NETO1: variants seen among roughly 807,000 people sequenced by gnomAD.
NETO1 encodes the protein neuropilin and tolloid-like protein 1.
NETO1 carries 26 observed loss-of-function variants against 61.3 expected under a neutral mutation model. The ratio of observed to expected loss-of-function variants is 0.42; its 90% CI spans 0.31 to 0.59. The LOEUF is 0.59. NETO1 is among the 20% of genes least tolerant of loss of function. NETO1 has a pLI of 0.12. For missense variants in NETO1, 531 were observed against 662.8 expected (o/e 0.80, Z 2.18); for synonymous variants, 225 against 225.8 (o/e 1.00, Z 0.03).
chr18:72,848,395 C>T (rs1442840366), intron 4 of NETO1, among the ~76,000 whole-genome samples: 1 of 152,084 alleles, frequency 6.6e-6, no homozygotes, highest in African/African-American at 2.4e-5. Flanking sequence ...CCATCTACAT[C>T]ATTAAAATCA....
At chr18:72,754,194 T>TA (rs1362277412) in intron 8 of NETO1, among the ~76,000 whole-genome samples, 2 of 152,126 alleles carry the variant, frequency 1.3e-5, no homozygotes, top group African/African-American at 4.8e-5. Context: ...AACAATGCAT[T>TA]AAAAACTCTA....
chr18:72,866,911 A>T, intron 1 of NETO1: 1 of 506,646 alleles, frequency 2.0e-6, no homozygotes, highest in Non-Finnish European at 2.8e-6. Context: ...CTCTGGCCCC[A>T]CTAGGTATCA....
chr18:72,855,649 CTAT>C (rs1446643466), intron 4 of NETO1, among the ~76,000 whole-genome samples: 2 of 152,012 alleles, frequency 1.3e-5, no homozygotes, highest in Non-Finnish European at 2.9e-5. Context: ...GACTGAAAGG[CTAT>C]TATTTTAAGT....
chr18:72,831,310 T>A (rs1490746494), intron 4 of NETO1, among the ~76,000 whole-genome samples: 2 of 152,182 alleles, frequency 1.3e-5, no homozygotes, highest in Non-Finnish European at 2.9e-5. Context: ...CAACAATGAA[T>A]GAAAATGATC....
intron 4 of NETO1, among the ~76,000 whole-genome samples, chr18:72,854,665 T>C (rs2074361327): frequency 6.6e-6 from 1 of 152,216 alleles, no homozygotes; most frequent in South Asian, 2.1e-4. Context: ...AGTGTTATAT[T>C]CTGCTCAAAA....
rs1346725007 is a variant in NETO1, at chr18:72,859,163, ATCT to A, written c.221-92_221-90del. The A allele has an allele frequency of 5.6e-5, 72 of 1,296,262 alleles. No individual in the cohort carries two copies. The East Asian group carries it at 1.7e-3, about 31-fold the overall frequency. 80.3% of individuals were successfully genotyped at this position (1,296,262 alleles called of 1,614,324 possible). ...ATTCTATTTCAGATGTTATTTGTAC[ATCT>A]TCTCTCAAACTTTATGGATGATATG... On this transcript the variant is annotated intron_variant, in intron 3 of 10. Coordinates refer to ENST00000327305, the MANE Select transcript of NETO1 (RefSeq NM_138966.5).
chr18:72,824,693 C>A (rs531276846), intron 4 of NETO1, among the ~76,000 whole-genome samples: 2 of 142,394 alleles, frequency 1.4e-5, no homozygotes, highest in African/African-American at 5.3e-5. Context: ...GGCGAAACCC[C>A]GTCTCTACTT....
intron 7 of NETO1, among the ~76,000 whole-genome samples, chr18:72,770,781 C>T (rs532850592): frequency 7.9e-5 from 12 of 152,114 alleles, no homozygotes; most frequent in African/African-American, 2.9e-4. Context: ...GTATTTACAC[C>T]AAACTTGTAA....
chr18:72,804,619 ATGT>A (rs761104050), intron 4 of NETO1, among the ~76,000 whole-genome samples: 3 of 152,200 alleles, frequency 2.0e-5, no homozygotes, highest in Non-Finnish European at 4.4e-5. Flanking sequence ...TGAAATAAGA[ATGT>A]TGTTGGTTTA....
intron 4 of NETO1, among the ~76,000 whole-genome samples, chr18:72,796,979 T>C (rs1407117124): frequency 6.6e-6 from 1 of 152,176 alleles, no homozygotes; most frequent in Non-Finnish European, 1.5e-5. Context: ...TGCATAGCAC[T>C]GCTAAAATTG....
chr18:72,775,639 T>A (rs1334439883), intron 7 of NETO1, among the ~76,000 whole-genome samples: 2 of 152,186 alleles, frequency 1.3e-5, no homozygotes, highest in Non-Finnish European at 2.9e-5. Flanking sequence ...CATATGAGAA[T>A]AACTGTTATC....
chr18:72,817,449 A>G (rs2073062698), intron 4 of NETO1, among the ~76,000 whole-genome samples: 1 of 152,256 alleles, frequency 6.6e-6, no homozygotes, highest in South Asian at 2.1e-4. Flanking sequence ...CTAGTCAACC[A>G]ACAAAGATGT....
In NETO1 at chr18:72,835,109, A is replaced by G. The variant is rs1425635823; in HGVS notation, c.469+23717T>C. The G allele has an allele frequency of 1.7e-5, 20 of 1,163,918 alleles. No individual in the cohort carries two copies. The South Asian group carries it at 3.9e-4, about 23-fold the overall frequency. 72.1% of individuals were successfully genotyped at this position (1,163,918 alleles called of 1,614,324 possible). On this transcript the variant is annotated intron_variant, in intron 4 of 10. Coordinates refer to ENST00000327305, the MANE Select transcript of NETO1 (RefSeq NM_138966.5). The stretch of plus-strand genomic sequence containing the variant: ...TTCAAGGTAGGAGTTCTAATTTACT[A>G]AGTCCGAATATGTGGCAAACTTTCT...
chr18:72,771,109 T>C (rs941671862), intron 7 of NETO1, among the ~76,000 whole-genome samples: 3 of 152,164 alleles, frequency 2.0e-5, no homozygotes, highest in Non-Finnish European at 4.4e-5. Flanking sequence ...TGAGATTATA[T>C]GACAATTTTA....
chr18:72,833,355 C>T (rs1279321507), intron 4 of NETO1, among the ~76,000 whole-genome samples: 3 of 152,084 alleles, frequency 2.0e-5, no homozygotes, highest in East Asian at 1.9e-4. Flanking sequence ...ACCTCTAGGC[C>T]GTTAAGTTAT....
intron 4 of NETO1, among the ~76,000 whole-genome samples, chr18:72,847,664 T>C (rs142818297): frequency 2.6e-5 from 4 of 152,326 alleles, no homozygotes; most frequent in Middle Eastern, 3.4e-3. Flanking sequence ...TACAGTTATC[T>C]AGATATAGAT....
chr18:72,822,557 C>T (rs549055678), intron 4 of NETO1, among the ~76,000 whole-genome samples: 3 of 152,174 alleles, frequency 2.0e-5, no homozygotes, highest in Non-Finnish European at 4.4e-5. Flanking sequence ...CGAGAGAATT[C>T]GCTAGATAAG....
intron 4 of NETO1, among the ~76,000 whole-genome samples, chr18:72,798,036 T>C (rs1426208226): frequency 3.3e-5 from 5 of 152,370 alleles, no homozygotes; most frequent in Admixed American, 2.6e-4. Context: ...TATTTAACTA[T>C]TTGTCTGTAT....
downstream of NETO1, chr18:72,742,879 C>T (rs534917384): frequency 2.0e-5 from 3 of 152,154 alleles, no homozygotes; most frequent in African/African-American, 7.2e-5. Flanking sequence ...GCATGTGACC[C>T]TCAGTATGTT....
Sources: allele counts gnomAD v4.1 joint callset (sites outside exome capture counted in the v4.1 genomes callset), GRCh38; gene constraint gnomAD v4.1.1; transcripts MANE v1.5; gene names NCBI Gene and HGNC (gene_info 2026-07-23, HGNC 2026-07-21).